PIGN: variants seen among roughly 807,000 people sequenced by gnomAD.
PIGN encodes GPI ethanolamine phosphate transferase 1.
PIGN carries 117 observed loss-of-function variants against 125.4 expected under a neutral mutation model. The ratio of observed to expected loss-of-function variants is 0.93; its 90% confidence interval spans 0.80 to 1.09. The LOEUF (loss-of-function observed/expected upper bound fraction) is 1.09. Ranked by LOEUF, PIGN falls within the 50% of genes least tolerant of loss-of-function variation. The probability of loss-of-function intolerance (pLI) is 0.00; values close to 1 mark genes in which losing one functional copy is unlikely to be tolerated. For synonymous variants in PIGN, 392 were observed against 377.8 expected (o/e 1.04, Z -0.44); for missense variants, 1,075 against 1,094.9 (o/e 0.98, Z 0.26).
intron 23 of PIGN, among the ~76,000 whole-genome samples, chr18:62,034,249 G>T (rs1238943071): frequency 2.0e-5 from 3 of 152,182 alleles, no homozygotes; most frequent in African/African-American, 7.2e-5. Context: ...TCTGTTTTCT[G>T]AATCTAATAA....
At chr18:62,079,034 C>T (rs141846726) in intron 28 of PIGN, among the ~76,000 whole-genome samples, 191 of 152,252 alleles carry the variant, frequency 1.3e-3, no homozygotes, top group African/African-American at 4.4e-3. Flanking sequence ...CCAACCTGTT[C>T]AACTTTATTT....
chr18:62,036,838 G>A (rs566484445), downstream of PIGN, among the ~76,000 whole-genome samples: 1 of 152,272 alleles, frequency 6.6e-6, no homozygotes, highest in East Asian at 1.9e-4. Context: ...TTCATTGCTG[G>A]TCTTCCTTGA....
intron 30 of PIGN, 64 bp downstream of exon 30, chr18:62,072,609 C>T: frequency 1.6e-6 from 2 of 1,288,476 alleles, no homozygotes; most frequent in Non-Finnish European, 2.2e-6. Flanking sequence ...AAGAAATTGC[C>T]TAACAATATA....
chr18:62,130,283 C>G (rs972808269), intron 14 of PIGN, among the ~76,000 whole-genome samples: 1 of 152,154 alleles, frequency 6.6e-6, no homozygotes, highest in Non-Finnish European at 1.5e-5. Context: ...ACTAATATAT[C>G]TTCCTATCAA....
intron 30 of PIGN, among the ~76,000 whole-genome samples, chr18:62,055,852 T>C (rs2031678022): frequency 6.6e-6 from 1 of 151,896 alleles, no homozygotes; most frequent in South Asian, 2.1e-4. Context: ...GCAGGGACTA[T>C]AATTTTTATC....
At chr18:62,057,419 T>G (rs1002254223) in intron 30 of PIGN, among the ~76,000 whole-genome samples, 1 of 152,180 alleles carries the variant, frequency 6.6e-6, no homozygotes, top group Non-Finnish European at 1.5e-5. Flanking sequence ...AGTATATTAG[T>G]CTATCAACAA....
chr18:62,043,352 TG>T lies in PIGN; in HGVS notation c.*2503del, dbSNP rs2030453328. 1 of 152,150 alleles carries T rather than the reference TG, an allele frequency of 6.6e-6. No homozygotes were observed. Among genetic ancestry groups the T allele is most frequent in the Non-Finnish European group, 1.5e-5 (1 of 68,030 alleles). 9.4% of individuals were successfully genotyped at this position (152,150 alleles called of 1,614,324 possible). A position where few individuals can be genotyped will look rare whatever the true frequency, so the allele number is the denominator to read the frequency against. ...GCTTCATCAGAAATCATGTTTTTAA[TG>T]GCACAGTTATATGTCAAAAAGGAGG... On this transcript the variant is annotated 3_prime_UTR_variant, in exon 31 of 31. Transcript: ENST00000640252.
At chr18:62,085,118 AAAAAT>A in intron 26 of PIGN, 86 bp downstream of exon 26, 1 of 767,346 alleles carries the variant, frequency 1.3e-6, no homozygotes, top group Non-Finnish European at 2.1e-6. Flanking sequence ...AAAAAGAAAA[AAAAAT>A]AATAAGGTAC....
chr18:62,027,339 A>G (rs879839488), intron 23 of PIGN, among the ~76,000 whole-genome samples: 1 of 152,226 alleles, frequency 6.6e-6, no homozygotes, highest in Non-Finnish European at 1.5e-5. Flanking sequence ...TATTTTGTCA[A>G]GGTTGAGGAC....
intron 6 of PIGN, among the ~76,000 whole-genome samples, chr18:62,155,314 C>A (rs1347479847): frequency 6.6e-6 from 1 of 152,084 alleles, no homozygotes; most frequent in East Asian, 1.9e-4. Flanking sequence ...CACCTGTAAT[C>A]CCTGTATTTT....
At chr18:62,085,690 G>T (rs189174071) in intron 25 of PIGN, among the ~76,000 whole-genome samples, 8 of 152,318 alleles carry the variant, frequency 5.3e-5, no homozygotes, top group African/African-American at 1.9e-4. Context: ...TAGACCACTT[G>T]AAAGGCTCAG....
chr18:62,029,791 A>T (rs888670089), intron 23 of PIGN, among the ~76,000 whole-genome samples: 4 of 152,226 alleles, frequency 2.6e-5, no homozygotes, highest in Admixed American at 1.3e-4. Flanking sequence ...AGTGACATGC[A>T]TCTGCAGCTC....
At chr18:62,034,633 C>T (rs2030234316) in intron 23 of PIGN, among the ~76,000 whole-genome samples, 1 of 152,200 alleles carries the variant, frequency 6.6e-6, no homozygotes, top group Non-Finnish European at 1.5e-5. Flanking sequence ...GATTTAATTG[C>T]TGCCTTCTTG....
chr18:62,034,029 G>C (rs941370442), intron 23 of PIGN, among the ~76,000 whole-genome samples: 1 of 152,188 alleles, frequency 6.6e-6, no homozygotes, highest in African/African-American at 2.4e-5. Context: ...TGATTCTAGA[G>C]TGCATAAATT....
At chr18:62,087,374 A>C (rs2083969164) in intron 25 of PIGN, among the ~76,000 whole-genome samples, 1 of 152,238 alleles carries the variant, frequency 6.6e-6, no homozygotes, top group Non-Finnish European at 1.5e-5. Flanking sequence ...GCCCCTGCAG[A>C]CCACTGACAG....
At chr18:62,111,918 CT>C (rs2034894811) in intron 16 of PIGN, among the ~76,000 whole-genome samples, 1 of 152,130 alleles carries the variant, frequency 6.6e-6, no homozygotes, top group Admixed American at 6.6e-5. Context: ...GCTATGAAAT[CT>C]TGTTAACATA....
intron 14 of PIGN, among the ~76,000 whole-genome samples, chr18:62,115,879 G>A (rs116975161): frequency 8.0e-4 from 121 of 152,170 alleles, no homozygotes; most frequent in Non-Finnish European, 1.2e-3. Flanking sequence ...TTGGGGGACC[G>A]AGGTAGGAGG....
At chr18:62,050,133 T>C (rs1477599010) in intron 30 of PIGN, among the ~76,000 whole-genome samples, 1 of 152,086 alleles carries the variant, frequency 6.6e-6, no homozygotes, top group Non-Finnish European at 1.5e-5. Flanking sequence ...TCAGGTAGCG[T>C]GATGCCTCCA....
In PIGN at chr18:62,105,577, G is replaced by T; in HGVS notation, c.1825C>A (p.Pro609Thr). The T allele has an allele frequency of 6.4e-7, 1 of 1,554,310 alleles. No individual in the cohort carries two copies. Among genetic ancestry groups the T allele is most frequent in the Non-Finnish European group, 8.7e-7 (1 of 1,147,862 alleles). Residue 609 changes from proline to threonine, a missense_variant, in exon 20 of 31, where the codon CCG becomes ACG. This residue lies in a region of PIGN where 915 missense variants were observed against 908.7 expected (regional missense o/e 1.01). Coordinates refer to ENST00000640252, the MANE Select transcript of PIGN (RefSeq NM_176787.5). ...SLLLAVFPLM[P>T]VVGRKPDISL... Reference sequence around the variant, plus strand: ...ATGTCTGGCTTTCGACCTACAACCGGCATCAGTGGGAACACTGCCAGGAGC... The same window carrying T: ...ATGTCTGGCTTTCGACCTACAACCGTCATCAGTGGGAACACTGCCAGGAGC...
Sources: allele counts gnomAD v4.1 joint callset (sites outside exome capture counted in the v4.1 genomes callset), GRCh38; gene constraint gnomAD v4.1.1; regional missense constraint gnomAD v4.1.1; transcripts MANE v1.5; gene names NCBI Gene and HGNC (gene_info 2026-07-23, HGNC 2026-07-21).